The following ABLIM1 variants were observed in gnomAD, a reference collection of about 807,000 sequenced individuals.
ABLIM1 encodes actin binding LIM protein 1.
A neutral mutation model predicts 107.0 loss-of-function variants in ABLIM1; 40 were observed. The observed-to-expected ratio is 0.37, with a 90% CI of 0.29 to 0.49. The LOEUF (loss-of-function observed/expected upper bound fraction) is 0.49, where lower values mean the gene tolerates loss of function less well. Ranked by LOEUF, ABLIM1 falls within the 20% of genes least tolerant of loss-of-function variation. ABLIM1 has a pLI of 0.97. For synonymous variants in ABLIM1, 357 were observed against 357.3 expected (o/e 1.00, Z 0.01); for missense variants, 857 against 1,008.5 (o/e 0.85, Z 2.04).
At chr10:114,667,251 C>T (rs1473430871) in intron 1 of ABLIM1, among the ~76,000 whole-genome samples, 2 of 152,114 alleles carry the variant, frequency 1.3e-5, no homozygotes, top group Non-Finnish European at 2.9e-5. Context: ...AAACCTATAC[C>T]TTCCCATTTC....
At chr10:114,769,974 C>T (rs563454636), upstream of ABLIM1, among the ~76,000 whole-genome samples, 1 of 152,248 alleles carries the variant, frequency 6.6e-6, no homozygotes, top group South Asian at 2.1e-4. Flanking sequence ...TATCCTCATT[C>T]CACTCTTAAC....
chr10:114,501,515 C>T (rs1164592694), intron 6 of ABLIM1, among the ~76,000 whole-genome samples: 1 of 152,148 alleles, frequency 6.6e-6, no homozygotes, highest in Non-Finnish European at 1.5e-5. Flanking sequence ...GCAAGGCTAA[C>T]GACTAGATCA....
At chr10:114,592,815 T>C (rs1352781873) in intron 2 of ABLIM1, among the ~76,000 whole-genome samples, 6 of 152,162 alleles carry the variant, frequency 3.9e-5, no homozygotes, top group African/African-American at 1.2e-4. Context: ...CCTGAGCAAG[T>C]GGAAGGAAAG....
At chr10:114,534,210 A>G (rs542306634) in intron 6 of ABLIM1, among the ~76,000 whole-genome samples, 7 of 152,282 alleles carry the variant, frequency 4.6e-5, no homozygotes, top group Admixed American at 1.3e-4. Flanking sequence ...AGGGAACAGC[A>G]GGAAGGGGAA....
chr10:114,704,310 A>C (rs373345444), intron 1 of ABLIM1, among the ~76,000 whole-genome samples: 7,113 of 44,772 alleles, frequency 0.16, 379 homozygotes, highest in Middle Eastern at 0.23. Context: ...CTCTATATAT[A>C]TATATATATA....
upstream of ABLIM1, among the ~76,000 whole-genome samples, chr10:114,660,516 A>T (rs4084837): frequency 1.3e-5 from 2 of 152,158 alleles, no homozygotes; most frequent in Admixed American, 1.3e-4. Flanking sequence ...CAAAAAAAAA[A>T]CCGTATTTCC....
chr10:114,720,157 G>T (rs758629592), intron 1 of ABLIM1, among the ~76,000 whole-genome samples: 3 of 152,140 alleles, frequency 2.0e-5, no homozygotes, highest in Non-Finnish European at 2.9e-5. Flanking sequence ...GTTTGCTAAG[G>T]ATAATGGCTT....
chr10:114,508,568 G>C (rs2061450986), intron 6 of ABLIM1, among the ~76,000 whole-genome samples: 1 of 152,116 alleles, frequency 6.6e-6, no homozygotes, highest in Non-Finnish European at 1.5e-5. Context: ...GCCATGTGTG[G>C]TTGCGCACTT....
intron 14 of ABLIM1, among the ~76,000 whole-genome samples, chr10:114,448,230 ATTCTACATGTG>A (rs1408387222): frequency 6.6e-6 from 1 of 152,252 alleles, no homozygotes; most frequent in East Asian, 1.9e-4. Flanking sequence ...GCAAAGCTTC[ATTCTACATGTG>A]TTCTACATCT....
intron 1 of ABLIM1, chr10:114,615,643 CAG>C (rs1566105154): frequency 2.3e-6 from 1 of 435,896 alleles, no homozygotes; most frequent in Non-Finnish European, 4.7e-6. Flanking sequence ...TTTTGAATAC[CAG>C]CCTGGCTTTC....
intron 1 of ABLIM1, among the ~76,000 whole-genome samples, chr10:114,694,418 T>C (rs1005338950): frequency 1.2e-4 from 18 of 152,146 alleles, no homozygotes; most frequent in Non-Finnish European, 2.5e-4. Flanking sequence ...TAACAAAAAC[T>C]GGTAAGGGGG....
chr10:114,447,858 C>G (rs1200958214), intron 15 of ABLIM1, 22 bp downstream of exon 15: 3 of 1,613,708 alleles, frequency 1.9e-6, no homozygotes, highest in Non-Finnish European at 2.5e-6. Context: ...GTCCCTTTGA[C>G]TTAGCCGTGA....
At position 114,690,878 on chromosome 10, in the gene ABLIM1, C is replaced by T. The variant is rs141485996; in HGVS notation, c.-213+77183G>A. On this transcript the variant is annotated intron_variant, in intron 1 of 15. Transcript: ENST00000651092. ...TGTATTTTTAATAGAGACTGGGTTT[C>T]GCCATGTTGGCCAGGCTGGTCTCGA... Among the ~76,000 whole-genome samples, 1,105 of 152,270 alleles carry T rather than the reference C, an allele frequency of 7.3e-3. 13 individuals are homozygous for T. Among genetic ancestry groups the T allele is most frequent in the African/African-American group, 0.024 (1,006 of 41,540 alleles).
chr10:114,658,000 G>C lies in ABLIM1; in HGVS notation c.201C>G (p.Asp67Glu), dbSNP rs1448848995. 1.9e-6 allele frequency: 3 copies of C among 1,614,036 alleles called. No homozygotes were observed. In the African/African-American group the frequency reaches 4.0e-5, roughly 22 times the overall value. ...TACATACACGCCCACGTGGGCAGTA[G>C]TCCTTGGGACAGAGATACAGCAAAT... ...ITHLLYLCPK[D>E]YCPRGRVCNS... Residue 67 changes from aspartate (D) to glutamate (E), a missense_variant, in exon 1 of 23, where the codon GAC (aspartate) becomes GAG (glutamate). Asp to Glu is a conservative substitution (Grantham distance 45, BLOSUM62 2). Around this residue, in one of 5 missense-constraint regions of ABLIM1, gnomAD observed 176 missense variants for 173.5 expected, o/e 1.01. Coordinates refer to ENST00000533213, the MANE Select transcript of ABLIM1 (RefSeq NM_002313.7).
At chr10:114,439,568 C>G in intron 20 of ABLIM1, 2 of 435,922 alleles carry the variant, frequency 4.6e-6, no homozygotes, top group Non-Finnish European at 8.2e-6. Flanking sequence ...TATCTTTAAT[C>G]ATGATTTTCT....
At position 114,468,206 on chromosome 10, in the gene ABLIM1, G is replaced by C. The variant is rs1443900842; in HGVS notation, c.1286C>G (p.Thr429Ser). 1.2e-6 allele frequency: 2 copies of C among 1,612,816 alleles called. No individual in the cohort carries two copies. The highest frequency in any genetic ancestry group is 8.5e-7 in the Non-Finnish European group (1 of 1,178,776). ...ERQSLGESPR[T>S]LSPTPSAEGY... ...TTCTGCTGATGGAGTAGGAGACAAA[G>C]TCCTCGGAGACTAGAAAAATAAAAG... The change falls in exon 11 of 23, where the codon ACT becomes AGT. Residue 429 changes from threonine to serine, a missense_variant. Thr to Ser is a moderately conservative substitution (Grantham distance 58). This residue lies in a region of ABLIM1 where 381 missense variants were observed against 506.9 expected (regional missense o/e 0.75). Transcript: ENST00000533213.
intron 1 of ABLIM1, chr10:114,632,537 T>G: frequency 2.0e-6 from 2 of 985,206 alleles, no homozygotes; most frequent in Non-Finnish European, 2.4e-6. Flanking sequence ...TCAAGTTCAC[T>G]TTCTTATGAA....
At position 114,436,348 on chromosome 10, in the gene ABLIM1, C is replaced by T. The variant is rs200083344; in HGVS notation, c.2249G>A (p.Arg750Gln). ...CTGTATGGACATTCCAAAGATTTCC[C>T]GAAACACTTCAGGGGCTAAGTGGCG... is the stretch of plus-strand genomic sequence containing the variant. ...LERHLAPEVF[R>Q]EIFGMSIQEF... The change falls in exon 23 of 23, where the codon CGG becomes CAG. Residue 750 changes from arginine (R) to glutamine (Q), a missense_variant. Arg to Gln is a conservative substitution (Grantham distance 43). This residue lies in a region of ABLIM1 where 193 missense variants were observed against 208.5 expected (regional missense o/e 0.93). Coordinates refer to ENST00000533213, the MANE Select transcript of ABLIM1 (RefSeq NM_002313.7). 463 of 1,613,470 alleles carry T rather than the reference C, an allele frequency of 2.9e-4. 1 individual carries two copies. Among genetic ancestry groups the T allele is most frequent in the Admixed American group, 7.0e-4 (42 of 59,936 alleles).
intron 4 of ABLIM1, among the ~76,000 whole-genome samples, chr10:114,559,300 AC>A (rs925420557): frequency 2.8e-4 from 43 of 152,078 alleles, no homozygotes; most frequent in Non-Finnish European, 7.4e-5. Flanking sequence ...TCACATGGCA[AC>A]CTTGAAGATT....
Sources: allele counts gnomAD v4.1 joint callset (sites outside exome capture counted in the v4.1 genomes callset), GRCh38; gene constraint gnomAD v4.1.1; regional missense constraint gnomAD v4.1.1; transcripts MANE v1.5; gene names NCBI Gene and HGNC (gene_info 2026-07-23, HGNC 2026-07-21).